The following C2CD2L variants were observed in gnomAD, a reference collection of about 807,000 sequenced individuals.
The protein encoded by C2CD2L is C2CD2 like, also known as phospholipid transfer protein C2CD2L.
Under a neutral mutation model 69.9 loss-of-function variants are expected in C2CD2L, and 24 were observed. That is an observed-to-expected ratio of 0.34 (90% CI 0.25 to 0.48). The LOEUF (loss-of-function observed/expected upper bound fraction) is 0.48, where lower values mean the gene tolerates loss of function less well. Among genes scored for constraint, C2CD2L ranks in the 20% least tolerant of loss-of-function variants. The pLI is 0.99. For missense variants in C2CD2L, 811 were observed against 941.5 expected (o/e 0.86, Z 1.81); for synonymous variants, 367 against 391.0 (o/e 0.94, Z 0.72).
rs754978548 is a variant in C2CD2L at position 119,112,762 on chromosome 11, C to T, written c.1275C>T (p.Pro425=). ...CTCCCACCTCCTCCACTCCACGCCC[C>T]AGCATCACACCTACCAAGAAGATTG... ...LGTPTSSTPR[P]SITPTKKIEL... The change falls in exon 10 of 14, where the codon CCC becomes CCT. Residue 425 remains proline (P), a synonymous_variant. Coordinates refer to ENST00000648610, the MANE Select transcript of C2CD2L (RefSeq NM_001290474.2). 15 of 1,614,098 alleles carry T rather than the reference C, an allele frequency of 9.3e-6. No individual in the cohort carries two copies. Among genetic ancestry groups the T allele is most frequent in the Middle Eastern group, 1.7e-4 (1 of 6,058 alleles).
intron 13 of C2CD2L, 58 bp from the exon 14 acceptor site, chr11:119,115,987 C>A: frequency 7.1e-7 from 1 of 1,406,336 alleles, no homozygotes; most frequent in South Asian, 1.2e-5. Flanking sequence ...GTGTCTCTGC[C>A]CCCGTCTCAC....
rs779101118 is a variant in C2CD2L at position 119,110,666 on chromosome 11, C to T, written c.556C>T (p.Leu186=). Residue 186 remains leucine, a synonymous_variant, in exon 3 of 14, where the codon CTG becomes TTG. Transcript: ENST00000648610. The surrounding 1 kb of genome is among the most constrained non-coding windows in gnomAD (Gnocchi z 5.7). ...SMETYHVTLT[L]PPTQLEVNLE... is the part of the protein sequence containing the mutation. ...GGAGACCTACCACGTCACTCTGACA[C>T]TGCCACCAACACAGGTAGAAGGGGA... The T allele has an allele frequency of 6.2e-7, 1 of 1,613,916 alleles. No homozygotes were observed. The highest frequency in any genetic ancestry group is 2.2e-5 in the East Asian group (1 of 44,880).
In C2CD2L at chr11:119,107,393, C is replaced by G; in HGVS notation, c.-349C>G. On this transcript the variant is annotated 5_prime_UTR_variant, in exon 1 of 14. Coordinates refer to ENST00000648610, the MANE Select transcript of C2CD2L (RefSeq NM_001290474.2). The surrounding 1 kb of genome is among the most constrained non-coding windows in gnomAD (Gnocchi z 5.4). The stretch of plus-strand genomic sequence containing the variant: ...CACGCAGCCCTCCCGGAGCCGGTGC[C>G]GGCCCGCGAGCCCCAGCGTCTCTGC... 1 of 193,844 alleles carries G rather than the reference C, an allele frequency of 5.2e-6. No homozygotes were observed. The highest frequency in any genetic ancestry group is 1.0e-5 in the Non-Finnish European group (1 of 95,668). 12.0% of individuals were successfully genotyped at this position (193,844 alleles called of 1,614,324 possible).
intron 13 of C2CD2L, chr11:119,115,744 C>G (rs1015587092): frequency 2.1e-6 from 1 of 481,680 alleles, no homozygotes; most frequent in African/African-American, 1.9e-5. Context: ...GCGGCCAGCT[C>G]CGTGATATCT....
intron 13 of C2CD2L, chr11:119,115,055 G>C (rs1946850210): frequency 6.6e-6 from 1 of 152,536 alleles, no homozygotes; most frequent in Non-Finnish European, 1.5e-5. Context: ...AGGAGTTCAA[G>C]ACCAGCCTGG....
At chr11:119,111,440 C>T (rs1946740891) in intron 6 of C2CD2L, 66 bp downstream of exon 6, 2 of 1,591,584 alleles carry the variant, frequency 1.3e-6, no homozygotes, top group African/African-American at 2.7e-5. Flanking sequence ...CTCTGCCCCT[C>T]TGCCAAGGGT....
At chr11:119,108,165 C>A in intron 1 of C2CD2L, 70 bp downstream of exon 1, 1 of 1,073,388 alleles carries the variant, frequency 9.3e-7, no homozygotes, top group Non-Finnish European at 1.4e-6. Flanking sequence ...ACTGCTCGTG[C>A]TAGGAGGCCA....
chr11:119,114,165 G>C lies in C2CD2L; in HGVS notation c.1709G>C (p.Ser570Thr), dbSNP rs754993554. The C allele has an allele frequency of 5.6e-6, 9 of 1,614,144 alleles. No individual in the cohort carries two copies. The East Asian group carries it at 2.0e-4, about 36-fold the overall frequency. ...EASVQDDAGT[S>T]GGPSSPPSDP... ...TCAGTGCAGGATGATGCAGGGACCA[G>C]CGGAGGCCCCTCTTCACCTCCCTCA... The change falls in exon 13 of 14, where the codon AGC (serine) becomes ACC (threonine). Residue 570 changes from serine (S) to threonine (T), a missense_variant. Ser to Thr is a moderately conservative substitution (Grantham distance 58). Coordinates refer to ENST00000648610, the MANE Select transcript of C2CD2L (RefSeq NM_001290474.2). This position sits in a 1 kb window ranked among gnomAD's most constrained non-coding sequence, Gnocchi z 5.1.
rs1223236146 is a variant in C2CD2L, at chr11:119,111,103, G to T, written c.733G>T (p.Ala245Ser). 15 of 1,613,980 alleles carry T rather than the reference G, an allele frequency of 9.3e-6. No individual in the cohort carries two copies. In the Middle Eastern group the frequency reaches 1.3e-3, roughly 141 times the overall value. Residue 245 changes from alanine (A) to serine (S), a missense_variant, in exon 5 of 14, where the codon GCC becomes TCC. Ala to Ser is a moderately conservative substitution (Grantham distance 99). Transcript: ENST00000648610. ...LSTIEELIKD[A>S]IVSTQPAMMV... ...CACAATTGAGGAACTGATCAAGGAT[G>T]CCATAGTCAGCACCCAGCCAGCCAT...
chr11:119,113,702 T>C lies in C2CD2L; in HGVS notation c.1479T>C (p.His493=). ...SESSGPSNTS[H]SSSRDSHLSN... ...GCAGTGGCCCCAGCAATACCTCCCA[T>C]AGCAGCAGCCGTGAGTGGGGAATGG... The change falls in exon 11 of 14, where the codon CAT becomes CAC. Residue 493 remains histidine, a synonymous_variant. Transcript: ENST00000648610. 3 of 1,608,216 alleles carry C rather than the reference T, an allele frequency of 1.9e-6. No homozygotes were observed. The highest frequency in any genetic ancestry group is 2.5e-6 in the Non-Finnish European group (3 of 1,176,534).
chr11:119,110,733 G>C lies in C2CD2L; in HGVS notation c.570+53G>C. ...GGGCAGGGGCGGTTCCATTGGCTCA[G>C]CTTCTTCCATTTGTTTCCTCTCTGG... On this transcript the variant is annotated intron_variant, in intron 3 of 13. Coordinates refer to ENST00000648610, the MANE Select transcript of C2CD2L (RefSeq NM_001290474.2). The surrounding 1 kb of genome is among the most constrained non-coding windows in gnomAD (Gnocchi z 5.7). 1 of 1,609,754 alleles carries C rather than the reference G, an allele frequency of 6.2e-7. No individual in the cohort carries two copies. Among genetic ancestry groups the C allele is most frequent in the Non-Finnish European group, 8.5e-7 (1 of 1,176,654 alleles).
intron 10 of C2CD2L, chr11:119,113,408 C>T (rs1592242396): frequency 1.5e-6 from 1 of 670,290 alleles, no homozygotes; most frequent in East Asian, 2.8e-5. Context: ...TTCAGCAGGC[C>T]CCATGGCACT....
rs775097341 is a variant in C2CD2L at position 119,112,328 on chromosome 11, G to C, written c.1020G>C (p.Leu340=). 1 of 1,612,052 alleles carries C rather than the reference G, an allele frequency of 6.2e-7. No individual in the cohort carries two copies. The highest frequency in any genetic ancestry group is 1.1e-5 in the South Asian group (1 of 90,908). The change falls in exon 8 of 14, where the codon CTG becomes CTC. Residue 340 remains leucine, a splice_region_variant and synonymous_variant. Coordinates refer to ENST00000648610, the MANE Select transcript of C2CD2L (RefSeq NM_001290474.2). ...SEVEWTEDLA[L]DLGPQSRELT... Reference sequence around the variant, plus strand: ...TGCCCCATCTCCTCTTGTCCCACAGGGATCTGGGCCCCCAGAGCCGGGAGC... The same window carrying C: ...TGCCCCATCTCCTCTTGTCCCACAGCGATCTGGGCCCCCAGAGCCGGGAGC...
Position 119,114,441 on chromosome 11 carries a change from T to C in C2CD2L, c.1909+76T>C, listed in dbSNP as rs595782. On this transcript the variant is annotated intron_variant, in intron 13 of 13. Coordinates refer to ENST00000648610, the MANE Select transcript of C2CD2L (RefSeq NM_001290474.2). The surrounding 1 kb of genome is among the most constrained non-coding windows in gnomAD (Gnocchi z 5.1). ...CATGACCTGGGGGACCTCGAGCCAG[T>C]GTGCCTTCTCCTTCCTCCCCTAAGA... 0.36 allele frequency: 513,211 copies of C among 1,443,834 alleles called. 94,764 individuals carry two copies. The highest frequency in any genetic ancestry group is 0.5 in the East Asian group (21,840 of 43,944). The allele number at this position is 1,443,834 out of a possible 1,614,324, so 89.4% of individuals were successfully genotyped here. A position where few individuals can be genotyped will look rare whatever the true frequency, so the allele number is the denominator to read the frequency against.
chr11:119,110,848 T>C lies in C2CD2L; in HGVS notation c.572T>C (p.Leu191Ser). 3 of 1,614,020 alleles carry C rather than the reference T, an allele frequency of 1.9e-6. No homozygotes were observed. The South Asian group carries it at 3.3e-5, about 18-fold the overall frequency. The stretch of plus-strand genomic sequence containing the variant: ...CAGTCACTTTGTTCCTGTCTGTAGT[T>C]GGAAGTCAACCTGGAGGAAATCCCT... ...HVTLTLPPTQLEVNLEEIPGE... is the reference protein window; with the variant it reads ...HVTLTLPPTQSEVNLEEIPGE... The change falls in exon 4 of 14, where the codon TTG (leucine) becomes TCG (serine). Residue 191 changes from leucine (L) to serine (S), a missense_variant and splice_region_variant. Transcript: ENST00000648610. This position sits in a 1 kb window ranked among gnomAD's most constrained non-coding sequence, Gnocchi z 5.7.
Position 119,109,329 on chromosome 11 carries a change from C to T in C2CD2L, c.355-775C>T, listed in dbSNP as rs510435. On this transcript the variant is annotated intron_variant, in intron 1 of 13. Coordinates refer to ENST00000648610, the MANE Select transcript of C2CD2L (RefSeq NM_001290474.2). This position sits in a 1 kb window ranked among gnomAD's most constrained non-coding sequence, Gnocchi z 5.1. ...TGTGCCCCTTCCTCAATTCTGTGTCCGCACTGCTCTCCAGGTGGGGCTGCG... is the reference window on the plus strand; with the variant it reads ...TGTGCCCCTTCCTCAATTCTGTGTCTGCACTGCTCTCCAGGTGGGGCTGCG... Among the ~76,000 whole-genome samples the T allele has an allele frequency of 0.3, 45,390 of 152,126 alleles. 7,657 individuals are homozygous for T. The highest frequency in any genetic ancestry group is 0.48 in the East Asian group (2,502 of 5,178).
rs1438458716 is a variant in C2CD2L, at chr11:119,112,380, A to C, written c.1072A>C (p.Ser358Arg). The C allele has an allele frequency of 6.2e-7, 1 of 1,613,692 alleles. No homozygotes were observed. Among genetic ancestry groups the C allele is most frequent in the South Asian group, 1.1e-5 (1 of 91,072 alleles). Residue 358 changes from serine to arginine, a missense_variant, in exon 8 of 14, where the codon AGC becomes CGC. By Grantham distance (110) the Ser-to-Arg change is moderately radical (BLOSUM62 -1). Coordinates refer to ENST00000648610, the MANE Select transcript of C2CD2L (RefSeq NM_001290474.2). Reference protein sequence around the residue: ...ELTLKVLRSSSCGDTELLGQA... With the variant: ...ELTLKVLRSSRCGDTELLGQA... ...GACCCTCAAAGTGCTGAGGAGCAGC[A>C]GCTGTGGAGACAGTAAGTGAGGGGT...
chr11:119,116,262 C>G lies in C2CD2L; in HGVS notation c.*6C>G. On this transcript the variant is annotated 3_prime_UTR_variant, in exon 14 of 14. Coordinates refer to ENST00000648610, the MANE Select transcript of C2CD2L (RefSeq NM_001290474.2). The stretch of plus-strand genomic sequence containing the variant: ...ACCCCAGCCCCCAGCTCTGAGGACC[C>G]AGCTCTGAAAGGGCACGAGTTCTCT... 1 of 1,608,612 alleles carries G rather than the reference C, an allele frequency of 6.2e-7. No homozygotes were observed. Among genetic ancestry groups the G allele is most frequent in the East Asian group, 2.2e-5 (1 of 44,848 alleles).
upstream of C2CD2L, among the ~76,000 whole-genome samples, chr11:119,102,836 C>A (rs1946530246): frequency 2.0e-5 from 3 of 146,760 alleles, no homozygotes; most frequent in East Asian, 2.0e-4. Flanking sequence ...TTGGCCTGTT[C>A]CCCTGCAAAC....
Sources: gnomAD v4.1 joint callset for allele counts (sites outside exome capture counted in the v4.1 genomes callset) on GRCh38, gnomAD v4.1.1 for gene constraint, Gnocchi (gnomAD v3.1) non-coding constraint, MANE v1.5 for transcripts, NCBI Gene and HGNC (gene_info 2026-07-23, HGNC 2026-07-21) for gene names.